Variants in TMPRSS2 observed in about 807,000 individuals in gnomAD.
TMPRSS2 encodes the protein transmembrane protease serine 2.
A neutral mutation model predicts 67.4 loss-of-function variants in TMPRSS2; 59 were observed. The ratio of observed to expected loss-of-function variants is 0.88; its 90% confidence interval spans 0.71 to 1.09. TMPRSS2 has a LOEUF of 1.09. Ranked by LOEUF, TMPRSS2 falls within the 50% of genes least tolerant of loss-of-function variation. The pLI, the probability that TMPRSS2 is intolerant of heterozygous loss-of-function variation, is 0.00. For missense variants in TMPRSS2, 668 were observed against 642.7 expected (o/e 1.04, Z -0.43); for synonymous variants, 257 against 257.0 (o/e 1.00, Z 0.00).
intron 2 of TMPRSS2, chr21:41,494,811 C>T: frequency 1.8e-6 from 1 of 549,276 alleles, no homozygotes; most frequent in Admixed American, 3.0e-5. Context: ...TGGCTCATGC[C>T]TGTAATCCCA....
chr21:41,469,166 C>T (rs1379378054), intron 11 of TMPRSS2, among the ~76,000 whole-genome samples: 1 of 152,118 alleles, frequency 6.6e-6, no homozygotes, highest in Non-Finnish European at 1.5e-5. Context: ...TGAAAAATGG[C>T]ACCACCCGCC....
chr21:41,493,885 G>A (rs371497524), intron 3 of TMPRSS2, among the ~76,000 whole-genome samples: 1 of 152,372 alleles, frequency 6.6e-6, no homozygotes, highest in Non-Finnish European at 1.5e-5. Flanking sequence ...ATACTTCTGT[G>A]TGACAACCGC....
intron 3 of TMPRSS2, among the ~76,000 whole-genome samples, chr21:41,492,836 C>G (rs983137404): frequency 2.6e-5 from 4 of 152,180 alleles, no homozygotes; most frequent in Admixed American, 2.6e-4. Flanking sequence ...GGAACACCAC[C>G]GTCTGGAGAT....
At chr21:41,504,559 TCTGC>T (rs1304097121) in intron 1 of TMPRSS2, among the ~76,000 whole-genome samples, 4 of 152,200 alleles carry the variant, frequency 2.6e-5, no homozygotes, top group African/African-American at 9.7e-5. Flanking sequence ...CAGATCAGGC[TCTGC>T]CTCCTCCTGG....
intron 4 of TMPRSS2, among the ~76,000 whole-genome samples, chr21:41,489,292 A>G (rs1569022049): frequency 6.6e-6 from 1 of 152,216 alleles, no homozygotes. Flanking sequence ...GGTGGCACCA[A>G]GCACCCCAAA....
At chr21:41,470,817 G>T in intron 10 of TMPRSS2, 74 bp from the exon 11 acceptor site, 9 of 1,269,360 alleles carry the variant, frequency 7.1e-6, no homozygotes, top group Non-Finnish European at 9.9e-6. Context: ...CCCACATGCA[G>T]GCTGCTGGGC....
chr21:41,506,207 G>A (rs537876986), intron 1 of TMPRSS2, among the ~76,000 whole-genome samples: 14 of 152,376 alleles, frequency 9.2e-5, no homozygotes, highest in Non-Finnish European at 1.8e-4. Context: ...GCACAAGCTT[G>A]TTGTTAGAAG....
rs1332649962 is a variant in TMPRSS2, at chr21:41,480,586, T to C, written c.462A>G (p.Pro154=). ...DENRCVRLYG[P]NFILQVYSSQ... ...ATGAGTACACCTGAAGGATGAAGTT[T>C]GGTCCGTAGAGGCGAACTGCACGAG... Residue 154 remains proline (P), a synonymous_variant, in exon 6 of 14, where the codon CCA becomes CCG. Transcript: ENST00000332149. 3 of 1,613,764 alleles carry C rather than the reference T, an allele frequency of 1.9e-6. No individual in the cohort carries two copies. The Admixed American group carries it at 5.0e-5, about 27-fold the overall frequency.
chr21:41,467,632 T>A, intron 13 of TMPRSS2, 102 bp downstream of exon 13: 3 of 1,417,020 alleles, frequency 2.1e-6, no homozygotes, highest in African/African-American at 2.8e-5. Context: ...TGCTGACCAG[T>A]GGTCACCAGT....
intron 5 of TMPRSS2, among the ~76,000 whole-genome samples, chr21:41,480,860 A>C (rs2091251869): frequency 6.6e-6 from 1 of 150,906 alleles, no homozygotes; most frequent in African/African-American, 2.4e-5. Context: ...CTGGTCTTGA[A>C]CTCCTGACCT....
chr21:41,501,806 C>T (rs565142599), intron 1 of TMPRSS2, among the ~76,000 whole-genome samples: 34 of 152,244 alleles, frequency 2.2e-4, no homozygotes, highest in Non-Finnish European at 4.3e-4. Flanking sequence ...GCTTGTACAT[C>T]GCATTAACTC....
At chr21:41,476,692 A>G in intron 7 of TMPRSS2, 72 bp from the exon 8 acceptor site, 1 of 1,347,970 alleles carries the variant, frequency 7.4e-7, no homozygotes, top group South Asian at 1.2e-5. Context: ...CTTAGAAATC[A>G]GTCATTTCTT....
intron 13 of TMPRSS2, among the ~76,000 whole-genome samples, 162 bp downstream of exon 13, chr21:41,467,572 T>G (rs2091095520): frequency 6.6e-6 from 1 of 151,978 alleles, no homozygotes; most frequent in Non-Finnish European, 1.5e-5. Flanking sequence ...GGGCAATGGG[T>G]GGACACTGGG....
At chr21:41,500,162 G>A (rs901216710) in intron 1 of TMPRSS2, among the ~76,000 whole-genome samples, 3 of 152,214 alleles carry the variant, frequency 2.0e-5, no homozygotes, top group Non-Finnish European at 4.4e-5. Flanking sequence ...TGACCTGGAG[G>A]AAGCTATTGA....
intron 1 of TMPRSS2, among the ~76,000 whole-genome samples, chr21:41,498,431 G>T (rs965780052): frequency 1.3e-5 from 2 of 152,152 alleles, no homozygotes; most frequent in African/African-American, 4.8e-5. Context: ...GGATCAGAGT[G>T]GGTAGGAGGA....
chr21:41,489,565 C>G lies in TMPRSS2; in HGVS notation c.267G>C (p.Leu89Phe). 6.2e-7 allele frequency: 1 copy of G among 1,614,068 alleles called. No individual in the cohort carries two copies. Among genetic ancestry groups the G allele is most frequent in the Non-Finnish European group, 8.5e-7 (1 of 1,179,986 alleles). Residue 89 changes from leucine (L) to phenylalanine (F), a missense_variant, in exon 4 of 14, where the codon TTG becomes TTC. By Grantham distance (22) the Leu-to-Phe change is conservative. Coordinates refer to ENST00000332149, the MANE Select transcript of TMPRSS2 (RefSeq NM_005656.4). ...CTCCCACGAGGAAGGTCCCCAGGGT[C>G]AAGGTGATGCACAGTGCTTTCTTAG... is the stretch of plus-strand genomic sequence containing the variant. ...SKTKKALCITLTLGTFLVGAA... is the reference protein window; with the variant it reads ...SKTKKALCITFTLGTFLVGAA...
intron 3 of TMPRSS2, among the ~76,000 whole-genome samples, chr21:41,493,760 A>T (rs1236268555): frequency 1.3e-5 from 2 of 152,204 alleles, no homozygotes; most frequent in Non-Finnish European, 2.9e-5. Context: ...TGGTAGGGTG[A>T]GGAAGAGGAG....
Position 41,508,087 on chromosome 21 carries a change from C to CCTGGA in TMPRSS2, c.-64_-63insTCCAG. ...TGGTACCGGCGCCGCTCACCTGCCG[C>CCTGGA]GCTCCAGGCGGCGCTCCCCGCCCCT... On this transcript the variant is annotated 5_prime_UTR_variant, in exon 1 of 14. Coordinates refer to ENST00000332149, the MANE Select transcript of TMPRSS2 (RefSeq NM_005656.4). 1.6e-6 allele frequency: 2 copies of CCTGGA among 1,255,438 alleles called. No homozygotes were observed. The highest frequency in any genetic ancestry group is 2.0e-6 in the Non-Finnish European group (2 of 987,186). The allele number at this position is 1,255,438 out of a possible 1,614,324, so 77.8% of individuals were successfully genotyped here.
chr21:41,508,088 G>A lies in TMPRSS2; in HGVS notation c.-64C>T. 8.1e-6 allele frequency: 10 copies of A among 1,237,872 alleles called. No homozygotes were observed. Among genetic ancestry groups the A allele is most frequent in the Non-Finnish European group, 1.0e-5 (10 of 971,188 alleles). 76.7% of individuals were successfully genotyped at this position (1,237,872 alleles called of 1,614,324 possible). A position where few individuals can be genotyped will look rare whatever the true frequency, so the allele number is the denominator to read the frequency against. The stretch of plus-strand genomic sequence containing the variant: ...GGTACCGGCGCCGCTCACCTGCCGC[G>A]CTCCAGGCGGCGCTCCCCGCCCCTC... On this transcript the variant is annotated 5_prime_UTR_variant, in exon 1 of 14. Transcript: ENST00000332149.
Sources: allele counts gnomAD v4.1 joint callset (sites outside exome capture counted in the v4.1 genomes callset), GRCh38; gene constraint gnomAD v4.1.1; transcripts MANE v1.5; gene names NCBI Gene and HGNC (gene_info 2026-07-23, HGNC 2026-07-21).